Variants in SFRP1 observed in about 807,000 individuals in gnomAD.
The protein encoded by SFRP1 is secreted frizzled related protein 1, also known as secreted frizzled-related protein 1.
In SFRP1, 9 loss-of-function variants were observed where a neutral mutation model predicts 25.9. The ratio of observed to expected loss-of-function variants is 0.35; its 90% CI spans 0.21 to 0.61. The LOEUF (loss-of-function observed/expected upper bound fraction) is 0.61, where lower values mean the gene tolerates loss of function less well. SFRP1 is among the 20% of genes least tolerant of loss of function. SFRP1 has a pLI of 0.78. For missense variants in SFRP1, 346 were observed against 418.2 expected (o/e 0.83, Z 1.51); for synonymous variants, 178 against 174.0 (o/e 1.02, Z -0.18).
chr8:41,280,789 G>T (rs973464598), intron 2 of SFRP1, among the ~76,000 whole-genome samples: 1 of 152,178 alleles, frequency 6.6e-6, no homozygotes, highest in Admixed American at 6.5e-5. Flanking sequence ...AAGGCTGCTG[G>T]ATGGGCAAAG....
chr8:41,265,221 G>A lies in SFRP1; in HGVS notation c.891C>T (p.Phe297=). The part of the protein sequence containing the change: ...WDKKNKEFKN[F]MKKMKNHECP... ...ACTCATGGTTTTTCATTTTCTTCAT[G>A]AAGTTTTTGAACTCCTTGTTTTTCT... Residue 297 remains phenylalanine, a synonymous_variant, in exon 3 of 3, where the codon TTC becomes TTT. Transcript: ENST00000220772. 1.9e-6 allele frequency: 3 copies of A among 1,571,682 alleles called. No individual in the cohort carries two copies. Among genetic ancestry groups the A allele is most frequent in the Non-Finnish European group, 2.6e-6 (3 of 1,155,388 alleles).
At chr8:41,276,883 G>A (rs1006485241) in intron 2 of SFRP1, 2 of 455,608 alleles carry the variant, frequency 4.4e-6, no homozygotes, top group African/African-American at 2.0e-5. Flanking sequence ...CCTCTCCCCA[G>A]TACTCACATA....
rs1804003658 is a variant in SFRP1 at position 41,306,789 on chromosome 8, C to T, written c.544+1827G>A. The T allele has an allele frequency of 3.1e-6, 5 of 1,598,134 alleles. No individual in the cohort carries two copies. The South Asian group carries it at 4.4e-5, about 14-fold the overall frequency. ...CAAGCCAGGCTGAGAAGGGCGCCGACCAGTGGAACTGCAGCCAAGGGGCAA... is the reference window on the plus strand; with the variant it reads ...CAAGCCAGGCTGAGAAGGGCGCCGATCAGTGGAACTGCAGCCAAGGGGCAA... On this transcript the variant is annotated intron_variant, in intron 1 of 2. Coordinates refer to ENST00000220772, the MANE Select transcript of SFRP1 (RefSeq NM_003012.5).
chr8:41,306,875 TG>T, intron 1 of SFRP1: 1 of 1,595,704 alleles, frequency 6.3e-7, no homozygotes, highest in Non-Finnish European at 8.5e-7. Flanking sequence ...TTTTGGGGGC[TG>T]GGGTGAGGGA....
intron 1 of SFRP1, 86 bp from the exon 2 acceptor site, chr8:41,303,624 C>CGCCACT: frequency 2.7e-6 from 3 of 1,092,166 alleles, no homozygotes; most frequent in Non-Finnish European, 4.2e-6. Flanking sequence ...GCCCTGGGTC[C>CGCCACT]AGGCTGAAAG....
intron 2 of SFRP1, among the ~76,000 whole-genome samples, chr8:41,287,313 CTTG>C (rs1017355247): frequency 1.6e-4 from 25 of 152,364 alleles, no homozygotes; most frequent in African/African-American, 5.0e-4. Context: ...GGCGTGCCAG[CTTG>C]TTTTCTCTCA....
chr8:41,309,321 T>G lies in SFRP1; in HGVS notation c.-162A>C. On this transcript the variant is annotated 5_prime_UTR_variant, in exon 1 of 3. Transcript: ENST00000220772. ...GCTGCTGCCCGGTCCCCCCGGCCAG[T>G]GGCGGCCCTCGGCCTGCGGTCGGAG... 1 of 817,582 alleles carries G rather than the reference T, an allele frequency of 1.2e-6. No individual in the cohort carries two copies. Among genetic ancestry groups the G allele is most frequent in the Non-Finnish European group, 1.6e-6 (1 of 632,664 alleles). 50.6% of individuals were successfully genotyped at this position (817,582 alleles called of 1,614,324 possible). A position where few individuals can be genotyped will look rare whatever the true frequency, so the allele number is the denominator to read the frequency against.
chr8:41,284,802 G>C (rs2117497949), intron 2 of SFRP1, among the ~76,000 whole-genome samples: 1 of 152,326 alleles, frequency 6.6e-6, no homozygotes, highest in Non-Finnish European at 1.5e-5. Context: ...GCAAGTGCAG[G>C]CTGGCAGGCT....
chr8:41,295,419 C>T (rs1223402447), intron 2 of SFRP1, among the ~76,000 whole-genome samples: 1 of 151,924 alleles, frequency 6.6e-6, no homozygotes, highest in Non-Finnish European at 1.5e-5. Context: ...ATCCCAGGTA[C>T]TCGGGAGGCC....
In SFRP1 at chr8:41,265,381, T is replaced by C; in HGVS notation, c.731A>G (p.Lys244Arg). The C allele has an allele frequency of 6.2e-7, 1 of 1,613,986 alleles. No individual in the cohort carries two copies. Among genetic ancestry groups the C allele is most frequent in the Non-Finnish European group, 8.5e-7 (1 of 1,180,018 alleles). Residue 244 changes from lysine to arginine, a missense_variant, in exon 3 of 3, where the codon AAG becomes AGG. Physicochemically the swap from Lys to Arg is conservative, Grantham distance 26 (BLOSUM62 2). Coordinates refer to ENST00000220772, the MANE Select transcript of SFRP1 (RefSeq NM_003012.5). ...ATTCTTCAGGTACAGCACAAGCTTC[T>C]TCAGGTCCTTCTTCTTGATGGGCCC... Reference protein sequence around the residue: ...KLGPIKKKDLKKLVLYLKNGA... With the variant: ...KLGPIKKKDLRKLVLYLKNGA...
At chr8:41,272,761 A>G (rs1218075269) in intron 2 of SFRP1, among the ~76,000 whole-genome samples, 1 of 152,374 alleles carries the variant, frequency 6.6e-6, no homozygotes, top group African/African-American at 2.4e-5. Flanking sequence ...AAAGGGTATT[A>G]TAGCAAGAGA....
chr8:41,294,271 T>C (rs1171938268), intron 2 of SFRP1, among the ~76,000 whole-genome samples: 3 of 152,130 alleles, frequency 2.0e-5, no homozygotes, highest in South Asian at 2.1e-4. Flanking sequence ...CACCGACATA[T>C]AGTTGGGGAT....
intron 2 of SFRP1, among the ~76,000 whole-genome samples, chr8:41,270,365 A>T (rs1478495394): frequency 6.6e-6 from 1 of 152,212 alleles, no homozygotes; most frequent in Non-Finnish European, 1.5e-5. Context: ...ATTTTGTATG[A>T]CAGAAAGCAA....
chr8:41,276,125 T>C (rs986619392), intron 2 of SFRP1, among the ~76,000 whole-genome samples: 5 of 152,158 alleles, frequency 3.3e-5, no homozygotes, highest in African/African-American at 1.2e-4. Context: ...ACCAGTCGCA[T>C]GGGCCTGCTC....
intron 2 of SFRP1, among the ~76,000 whole-genome samples, chr8:41,283,403 T>C (rs1803659552): frequency 6.6e-6 from 1 of 152,132 alleles, no homozygotes; most frequent in African/African-American, 2.4e-5. Flanking sequence ...TGAGACCATC[T>C]AGACAGAAAA....
rs1426614942 is a variant in SFRP1 at position 41,263,881 on chromosome 8, G to C, written c.*1286C>G. ...ACAAATATATGTAAAAAGTGCGGGG[G>C]GACAGGCAGGCTGTTCTGAATTTCT... On this transcript the variant is annotated 3_prime_UTR_variant, in exon 3 of 3. Transcript: ENST00000220772. The C allele has an allele frequency of 1.3e-5, 2 of 152,286 alleles. No individual in the cohort carries two copies. Among genetic ancestry groups the C allele is most frequent in the Non-Finnish European group, 2.9e-5 (2 of 68,028 alleles). The allele number at this position is 152,286 out of a possible 1,614,324, so 9.4% of individuals were successfully genotyped here. A position where few individuals can be genotyped will look rare whatever the true frequency, so the allele number is the denominator to read the frequency against.
intron 2 of SFRP1, among the ~76,000 whole-genome samples, chr8:41,297,773 C>T (rs781311690): frequency 2.6e-5 from 4 of 152,014 alleles, no homozygotes; most frequent in Non-Finnish European, 4.4e-5. Context: ...TTCTGCTACA[C>T]TGCCGGCTTT....
intron 2 of SFRP1, chr8:41,276,995 C>A (rs775736665): frequency 2.2e-6 from 1 of 456,350 alleles, no homozygotes; most frequent in Non-Finnish European, 4.4e-6. Flanking sequence ...CAGAATCCTG[C>A]TGCTAACTGC....
rs1040811307 is a variant in SFRP1 at position 41,309,156 on chromosome 8, C to T, written c.4G>A (p.Gly2Ser). 1 of 1,395,770 alleles carries T rather than the reference C, an allele frequency of 7.2e-7. No individual in the cohort carries two copies. Among genetic ancestry groups the T allele is most frequent in the African/African-American group, 1.5e-5 (1 of 65,312 alleles). The allele number at this position is 1,395,770 out of a possible 1,614,324, so 86.5% of individuals were successfully genotyped here. ...CGGCCCCCCTCGCTGCGCCCGATGC[C>T]CATGCCGGCTCTGCGCCCTGTTCTC... The part of the protein sequence containing the change: M[G>S]IGRSEGGRRG... The change falls in exon 1 of 3, where the codon GGC (glycine) becomes AGC (serine). Residue 2 changes from glycine to serine, a missense_variant. Coordinates refer to ENST00000220772, the MANE Select transcript of SFRP1 (RefSeq NM_003012.5).
Sources: gnomAD v4.1 joint callset for allele counts (sites outside exome capture counted in the v4.1 genomes callset) on GRCh38, gnomAD v4.1.1 for gene constraint, MANE v1.5 for transcripts, NCBI Gene and HGNC (gene_info 2026-07-23, HGNC 2026-07-21) for gene names.